Variants in ANK3 observed in about 807,000 individuals in gnomAD.
ANK3 encodes ankyrin-3.
A neutral mutation model predicts 370.9 loss-of-function variants in ANK3; 57 were observed. That is an observed-to-expected ratio of 0.15 (90% CI 0.12 to 0.19). The LOEUF is 0.19. ANK3 is among the 10% of genes least tolerant of loss of function. The pLI, the probability that ANK3 is intolerant of heterozygous loss-of-function variation, is 1.00. For missense variants in ANK3, 4,439 were observed against 5,302.1 expected (o/e 0.84, Z 5.06); for synonymous variants, 1,929 against 1,946.3 (o/e 0.99, Z 0.23).
intron 17 of ANK3, among the ~76,000 whole-genome samples, chr10:60,181,703 G>A (rs1215971596): frequency 6.6e-6 from 1 of 152,116 alleles, no homozygotes; most frequent in Non-Finnish European, 1.5e-5. Context: ...CTACTTGGGA[G>A]GCTAAGGCAG....
chr10:60,130,337 A>G (rs1380339269), intron 25 of ANK3, among the ~76,000 whole-genome samples: 1 of 152,134 alleles, frequency 6.6e-6, no homozygotes, highest in African/African-American at 2.4e-5. Context: ...TAATATGCAA[A>G]CTGATTAATC....
At chr10:60,493,431 G>A (rs1244357631) in intron 2 of ANK3, among the ~76,000 whole-genome samples, 3 of 152,048 alleles carry the variant, frequency 2.0e-5, no homozygotes, top group Non-Finnish European at 4.4e-5. Flanking sequence ...AGAAGAATGA[G>A]CACAAGAGAA....
At chr10:60,487,398 C>T (rs999814522) in intron 2 of ANK3, among the ~76,000 whole-genome samples, 5 of 152,154 alleles carry the variant, frequency 3.3e-5, no homozygotes, top group Non-Finnish European at 7.4e-5. Flanking sequence ...AACACTAAAG[C>T]AAAGGAGTTT....
chr10:60,220,744 C>A (rs911146144), intron 8 of ANK3, among the ~76,000 whole-genome samples: 2 of 152,130 alleles, frequency 1.3e-5, no homozygotes, highest in East Asian at 1.9e-4. Flanking sequence ...ATGTATACAA[C>A]CAAGCTGTAC....
intron 2 of ANK3, among the ~76,000 whole-genome samples, chr10:60,609,147 C>T (rs1397514934): frequency 6.6e-6 from 1 of 152,116 alleles, no homozygotes; most frequent in Non-Finnish European, 1.5e-5. Context: ...GAGAACAGTA[C>T]ATTCTCAGTT....
intron 18 of ANK3, among the ~76,000 whole-genome samples, chr10:60,178,573 T>G (rs1480742240): frequency 6.6e-6 from 1 of 152,178 alleles, no homozygotes; most frequent in Non-Finnish European, 1.5e-5. Context: ...TGAGTTTTGC[T>G]CTCTAAACTA....
At chr10:60,336,564 G>GATCTATCTATCTATCTATCT (rs78424635) in intron 1 of ANK3, among the ~76,000 whole-genome samples, 1 of 150,460 alleles carries the variant, frequency 6.6e-6, no homozygotes, top group African/African-American at 2.5e-5. Context: ...GGAATCTGGA[G>GATCTATCTATCTATCTATCT]ATCTATCTAT....
chr10:60,086,699 C>A lies in ANK3; in HGVS notation c.3726G>T (p.Leu1242=), dbSNP rs752794179. 6.2e-6 allele frequency: 10 copies of A among 1,613,664 alleles called. No homozygotes were observed. In the Admixed American group the frequency reaches 1.5e-4, roughly 24 times the overall value. The change falls in exon 30 of 44, where the codon CTG becomes CTT. Residue 1242 remains leucine, a synonymous_variant. Coordinates refer to ENST00000280772, the MANE Select transcript of ANK3 (RefSeq NM_020987.5). ...NGYKGDTTPN[L]RLLCSITGGT... is the part of the protein sequence containing the mutation. ...AACCTGTAATGCTACAGAGAAGACGCAGATTGGGTGTAGTGTCCCCTTTGT... is the reference window on the plus strand; with the variant it reads ...AACCTGTAATGCTACAGAGAAGACGAAGATTGGGTGTAGTGTCCCCTTTGT...
rs1595247775 is a variant in ANK3, at chr10:60,545,348, A to G, written c.96+69838T>C. ...TGCAATTTCATCTTGTTTTCCAGCTATGTATCTCTGGGGAGCATATTGGTG... is the reference window on the plus strand; with the variant it reads ...TGCAATTTCATCTTGTTTTCCAGCTGTGTATCTCTGGGGAGCATATTGGTG... On this transcript the variant is annotated intron_variant, in intron 2 of 43. Transcript: ENST00000373827. 3.9e-5 allele frequency among the ~76,000 whole-genome samples: 6 copies of G among 152,142 alleles called. 1 individual carries two copies. Among genetic ancestry groups the G allele is most frequent in the Admixed American group, 2.6e-4 (4 of 15,262 alleles).
In ANK3 at chr10:60,068,891, A is replaced by C. The variant is rs370147674; in HGVS notation, c.11990T>G (p.Ile3997Ser). The change falls in exon 37 of 44, where the codon ATT becomes AGT. Residue 3997 changes from isoleucine (I) to serine (S), a missense_variant. This residue lies in a region of ANK3 where 496 missense variants were observed against 529.3 expected (regional missense o/e 0.94). Coordinates refer to ENST00000280772, the MANE Select transcript of ANK3 (RefSeq NM_020987.5). ...SQLKEVCKHSIEYFKGISGET... is the reference protein window; with the variant it reads ...SQLKEVCKHSSEYFKGISGET... ...ACCACTAATTCCCTTAAAATATTCA[A>C]TGGAATGTTTACATACTTCCTTGAG... 3 of 1,613,940 alleles carry C rather than the reference A, an allele frequency of 1.9e-6. No homozygotes were observed. In the African/African-American group the frequency reaches 4.0e-5, roughly 22 times the overall value.
At position 60,072,295 on chromosome 10, in the gene ANK3, G is replaced by T; in HGVS notation, c.8586C>A (p.Asn2862Lys). 1 of 1,614,086 alleles carries T rather than the reference G, an allele frequency of 6.2e-7. No homozygotes were observed. Among genetic ancestry groups the T allele is most frequent in the East Asian group, 2.2e-5 (1 of 44,870 alleles). Reference protein sequence around the residue: ...FRTWESSGATNNKSQKEKLSH... With the variant: ...FRTWESSGATKNKSQKEKLSH... Reference sequence around the variant, plus strand: ...AAAGTTTTTCTTTCTGAGACTTATTGTTAGTGGCTCCCGAACTCTCCCATG... The same window carrying T: ...AAAGTTTTTCTTTCTGAGACTTATTTTTAGTGGCTCCCGAACTCTCCCATG... The change falls in exon 37 of 44, where the codon AAC (asparagine) becomes AAA (lysine). Residue 2862 changes from asparagine (N) to lysine (K), a missense_variant. By Grantham distance (94) the Asn-to-Lys change is moderately conservative (BLOSUM62 0). Coordinates refer to ENST00000280772, the MANE Select transcript of ANK3 (RefSeq NM_020987.5).
At chr10:60,728,809 T>A (rs1323322351) in intron 1 of ANK3, among the ~76,000 whole-genome samples, 1 of 152,184 alleles carries the variant, frequency 6.6e-6, no homozygotes, top group Non-Finnish European at 1.5e-5. Flanking sequence ...GTTACCAAAT[T>A]ACAGCTTGTA....
chr10:60,496,016 T>C (rs369200192), intron 2 of ANK3, among the ~76,000 whole-genome samples: 1 of 152,056 alleles, frequency 6.6e-6, no homozygotes. Context: ...ATGTCAAGAA[T>C]GGCAAAATTG....
At chr10:60,044,326 G>C (rs895690442) in intron 42 of ANK3, 38 of 983,716 alleles carry the variant, frequency 3.9e-5, no homozygotes, top group African/African-American at 1.2e-4. Context: ...AGATTCACCA[G>C]GAATGTTTTT....
chr10:60,297,470 T>G (rs939235205), intron 1 of ANK3, among the ~76,000 whole-genome samples: 3 of 152,168 alleles, frequency 2.0e-5, no homozygotes, highest in Non-Finnish European at 4.4e-5. Flanking sequence ...TTATATTATC[T>G]AATTATATAT....
chr10:60,510,983 G>T (rs1045445477), intron 2 of ANK3, among the ~76,000 whole-genome samples: 1 of 152,032 alleles, frequency 6.6e-6, no homozygotes, highest in Non-Finnish European at 1.5e-5. Context: ...GCTTTATAAG[G>T]AAAAAGTGAT....
At chr10:60,179,372 C>T (rs1181377829) in intron 18 of ANK3, among the ~76,000 whole-genome samples, 1 of 152,194 alleles carries the variant, frequency 6.6e-6, no homozygotes, top group African/African-American at 2.4e-5. Context: ...GGAAAGGTTA[C>T]ATGCTGCCAG....
At chr10:60,447,606 T>C (rs1465663205) in intron 2 of ANK3, among the ~76,000 whole-genome samples, 1 of 151,922 alleles carries the variant, frequency 6.6e-6, no homozygotes, top group Non-Finnish European at 1.5e-5. Context: ...TGAGAAGGGG[T>C]GTTCCCTGGG....
At chr10:60,263,468 A>G (rs765533303) in intron 6 of ANK3, among the ~76,000 whole-genome samples, 4 of 152,194 alleles carry the variant, frequency 2.6e-5, no homozygotes, top group Non-Finnish European at 4.4e-5. Context: ...CTTGGGTATC[A>G]ACCAGAGGTT....
Sources: gnomAD v4.1 joint callset for allele counts (sites outside exome capture counted in the v4.1 genomes callset) on GRCh38, gnomAD v4.1.1 for gene constraint, gnomAD v4.1.1 regional missense constraint, MANE v1.5 for transcripts, NCBI Gene and HGNC (gene_info 2026-07-23, HGNC 2026-07-21) for gene names.